PCDHGB3: variants seen among roughly 807,000 people sequenced by gnomAD.
PCDHGB3 encodes protocadherin gamma-B3.
A neutral mutation model predicts 59.2 loss-of-function variants in PCDHGB3; 40 were observed. That is an observed-to-expected ratio of 0.68 (90% CI 0.52 to 0.88). PCDHGB3 has a LOEUF of 0.88. Among genes scored for constraint, PCDHGB3 ranks in the 40% least tolerant of loss-of-function variants. PCDHGB3 has a pLI of 0.00. For synonymous variants in PCDHGB3, 581 were observed against 503.6 expected (o/e 1.15, Z -2.06); for missense variants, 1,309 against 1,187.9 (o/e 1.10, Z -1.50).
chr5:141,478,748 A>G (rs2099474609), intron 1 of PCDHGB3: 2 of 1,525,644 alleles, frequency 1.3e-6, no homozygotes, highest in African/African-American at 1.4e-5. Context: ...GTCCCATTTC[A>G]GGGGGAAGAT....
chr5:141,399,543 C>T (rs2093831494), intron 1 of PCDHGB3: 3 of 1,614,042 alleles, frequency 1.9e-6, no homozygotes, highest in Non-Finnish European at 2.5e-6. Flanking sequence ...AAGTCTGCGC[C>T]TCGGACCTGG....
At position 141,477,966 on chromosome 5, in the gene PCDHGB3, G is replaced by T; in HGVS notation, c.2416-16841G>T. 1 of 1,614,118 alleles carries T rather than the reference G, an allele frequency of 6.2e-7. No individual in the cohort carries two copies. The highest frequency in any genetic ancestry group is 8.5e-7 in the Non-Finnish European group (1 of 1,180,036). On this transcript the variant is annotated intron_variant, in intron 1 of 3. Coordinates refer to ENST00000576222, the MANE Select transcript of PCDHGB3 (RefSeq NM_018924.5). This position sits in a 1 kb window ranked among gnomAD's most constrained non-coding sequence, Gnocchi z 4.9. ...AGTCTCTTGGGATCCCCTAACCAGA[G>T]CCTTTTTGCCATAGGGCTGCACACT...
chr5:141,398,962 T>A lies in PCDHGB3; in HGVS notation c.2415+26153T>A, dbSNP rs568248356. ...CGAGGGCATCAACTCAGAAATTACT[T>A]ATTCCTTCTACAGAACCGGGCAAAT... On this transcript the variant is annotated intron_variant, in intron 1 of 3. Coordinates refer to ENST00000576222, the MANE Select transcript of PCDHGB3 (RefSeq NM_018924.5). The A allele has an allele frequency of 2.6e-5, 42 of 1,613,934 alleles. No individual in the cohort carries two copies. Among genetic ancestry groups the A allele is most frequent in the Middle Eastern group, 3.3e-4 (2 of 6,062 alleles).
intron 1 of PCDHGB3, among the ~76,000 whole-genome samples, chr5:141,480,408 C>A (rs371569489): frequency 7.2e-6 from 1 of 138,932 alleles, no homozygotes; most frequent in African/African-American, 2.9e-5. Flanking sequence ...GAGTGAGACC[C>A]TGTCTCAAAA....
chr5:141,486,617 C>A lies in PCDHGB3; in HGVS notation c.2416-8190C>A. On this transcript the variant is annotated intron_variant, in intron 1 of 3. Coordinates refer to ENST00000576222, the MANE Select transcript of PCDHGB3 (RefSeq NM_018924.5). The surrounding 1 kb of genome is among the most constrained non-coding windows in gnomAD (Gnocchi z 5.0). The stretch of plus-strand genomic sequence containing the variant: ...GCTTTGCTCCCTTGCAGCCTCTGAC[C>A]CAGACTCTGGCTTGAATGCGCTTAT... The A allele has an allele frequency of 1.2e-6, 2 of 1,613,602 alleles. No homozygotes were observed. The highest frequency in any genetic ancestry group is 2.2e-5 in the East Asian group (1 of 44,874).
intron 1 of PCDHGB3, among the ~76,000 whole-genome samples, chr5:141,381,392 A>G (rs887778756): frequency 6.6e-6 from 1 of 152,096 alleles, no homozygotes; most frequent in Non-Finnish European, 1.5e-5. Flanking sequence ...ATTTAGTTTT[A>G]CTCTATCAAC....
chr5:141,423,648 G>T, intron 1 of PCDHGB3: 1 of 1,590,008 alleles, frequency 6.3e-7, no homozygotes, highest in Admixed American at 1.8e-5. Context: ...AATGTGACCC[G>T]ACAAGTAATC....
At chr5:141,383,914 G>C (rs1167823249) in intron 1 of PCDHGB3, 9 of 1,613,960 alleles carry the variant, frequency 5.6e-6, no homozygotes, top group Non-Finnish European at 6.8e-6. Flanking sequence ...CACAGTTTTA[G>C]ATGTAAATGA....
At chr5:141,505,559 G>A (rs1215110084) in intron 3 of PCDHGB3, 78 bp downstream of exon 3, 27 of 1,604,592 alleles carry the variant, frequency 1.7e-5, no homozygotes, top group Non-Finnish European at 2.0e-5. Flanking sequence ...CCATGCCCAC[G>A]GACTGGATGT....
At chr5:141,403,770 T>A in intron 1 of PCDHGB3, 1 of 1,613,894 alleles carries the variant, frequency 6.2e-7, no homozygotes, top group Non-Finnish European at 8.5e-7. Flanking sequence ...GATGAGGGAA[T>A]CAACGGAAAA....
In PCDHGB3 at chr5:141,486,247, C is replaced by T. The variant is rs935513223; in HGVS notation, c.2416-8560C>T. The T allele has an allele frequency of 2.5e-6, 4 of 1,614,014 alleles. No homozygotes were observed. The African/African-American group carries it at 5.3e-5, about 22-fold the overall frequency. On this transcript the variant is annotated intron_variant, in intron 1 of 3. Transcript: ENST00000576222. This position sits in a 1 kb window ranked among gnomAD's most constrained non-coding sequence, Gnocchi z 5.0. Reference sequence around the variant, plus strand: ...TCACAGTGACCTCAGAGCTTGGAACCCTCCCCGAGAGTGCAGAACCTGGCA... The same window carrying T: ...TCACAGTGACCTCAGAGCTTGGAACTCTCCCCGAGAGTGCAGAACCTGGCA...
chr5:141,510,817 T>C, intron 3 of PCDHGB3, 130 bp from the exon 4 acceptor site: 2 of 1,551,592 alleles, frequency 1.3e-6, no homozygotes, highest in African/African-American at 2.7e-5. Flanking sequence ...GTGACCCCTA[T>C]ATTCCCAGTG....
rs773605439 is a variant in PCDHGB3 at position 141,372,612 on chromosome 5, C to T, written c.2218C>T (p.Leu740Phe). Residue 740 changes from leucine to phenylalanine, a missense_variant, in exon 1 of 4, where the codon CTC (leucine) becomes TTC (phenylalanine). Leu to Phe is a conservative substitution (Grantham distance 22). Coordinates refer to ENST00000576222, the MANE Select transcript of PCDHGB3 (RefSeq NM_018924.5). ...GVCFKTVPGV[L>F]PTYSERTLPY... ...CTGCTTCAAGACTGTACCTGGAGTT[C>T]TCCCCACCTACAGCGAAAGGACTTT... The T allele has an allele frequency of 1.2e-6, 2 of 1,614,004 alleles. No homozygotes were observed. The highest frequency in any genetic ancestry group is 1.7e-6 in the Non-Finnish European group (2 of 1,179,844).
rs576318312 is a variant in PCDHGB3, at chr5:141,410,171, A to G, written c.2415+37362A>G. On this transcript the variant is annotated intron_variant, in intron 1 of 3. Coordinates refer to ENST00000576222, the MANE Select transcript of PCDHGB3 (RefSeq NM_018924.5). ...CGGTGGACAGCCGCCACTCTCTGCCACCGCCACGCTTCATCTGGTCTTCGC... is the reference window on the plus strand; with the variant it reads ...CGGTGGACAGCCGCCACTCTCTGCCGCCGCCACGCTTCATCTGGTCTTCGC... 181 of 1,613,780 alleles carry G rather than the reference A, an allele frequency of 1.1e-4. 1 individual carries two copies. The East Asian group carries it at 4.0e-3, about 36-fold the overall frequency.
Position 141,384,133 on chromosome 5 carries a change from C to T in PCDHGB3, c.2415+11324C>T, listed in dbSNP as rs770731491. 9.3e-6 allele frequency: 15 copies of T among 1,611,570 alleles called. No individual in the cohort carries two copies. Among genetic ancestry groups the T allele is most frequent in the Admixed American group, 1.7e-5 (1 of 59,646 alleles). On this transcript the variant is annotated intron_variant, in intron 1 of 3. Coordinates refer to ENST00000576222, the MANE Select transcript of PCDHGB3 (RefSeq NM_018924.5). ...ATTGGTCACAACCAAAAACTTGGAC[C>T]GGGAAACACTCTCTTTGTATAACAT... is the stretch of plus-strand genomic sequence containing the variant.
In PCDHGB3 at chr5:141,502,866, C is replaced by CTTTTTTTTTTTTTTTTT. The variant is rs549047197; in HGVS notation, c.2475-2513_2475-2512insTTTTTTTTTTTTTTTTT. Among the ~76,000 whole-genome samples the CTTTTTTTTTTTTTTTTT allele has an allele frequency of 3.1e-5, 4 of 128,046 alleles. 1 individual carries two copies. 84.0% of individuals were successfully genotyped at this position (128,046 alleles called of 152,430 possible). A position where few individuals can be genotyped will look rare whatever the true frequency, so the allele number is the denominator to read the frequency against. ...GAGCTGCCTAACCCTGACTCTCTGTCTTTTTTTTTTTTTTGACAGGGAGTC... is the reference window on the plus strand; with the variant it reads ...GAGCTGCCTAACCCTGACTCTCTGTCTTTTTTTTTTTTTTTTTTTTTTTTTTTTTTTGACAGGGAGTC... On this transcript the variant is annotated intron_variant, in intron 2 of 3. Transcript: ENST00000576222.
intron 1 of PCDHGB3, chr5:141,419,384 G>T (rs1383174444): frequency 1.2e-6 from 2 of 1,613,554 alleles, no homozygotes; most frequent in East Asian, 2.2e-5. Flanking sequence ...GTCCGTGAGC[G>T]CGCAGAGCGG....
At chr5:141,408,302 C>G (rs1017556555) in intron 1 of PCDHGB3, 1 of 1,613,662 alleles carries the variant, frequency 6.2e-7, no homozygotes. Flanking sequence ...TGAGCCGATC[C>G]GCTACTCGAT....
At chr5:141,435,446 G>A (rs889481920) in intron 1 of PCDHGB3, among the ~76,000 whole-genome samples, 12 of 152,060 alleles carry the variant, frequency 7.9e-5, no homozygotes, top group Admixed American at 6.6e-4. Context: ...TCATTAATAC[G>A]ATATCTGTAT....
Sources: allele counts gnomAD v4.1 joint callset (sites outside exome capture counted in the v4.1 genomes callset), GRCh38; gene constraint gnomAD v4.1.1; non-coding constraint Gnocchi (gnomAD v3.1); transcripts MANE v1.5; gene names NCBI Gene and HGNC (gene_info 2026-07-23, HGNC 2026-07-21).